The following CHST9 variants were observed in gnomAD, a reference collection of about 807,000 sequenced individuals.
CHST9 encodes carbohydrate sulfotransferase 9, also known as GalNAc-4-sulfotransferase 2.
In CHST9, 41 loss-of-function variants were observed where a neutral mutation model predicts 44.4. The ratio of observed to expected loss-of-function variants is 0.92; its 90% CI spans 0.72 to 1.20. The LOEUF (loss-of-function observed/expected upper bound fraction) is 1.20, where lower values mean the gene tolerates loss of function less well. CHST9 is among the 50% of genes most tolerant of loss of function. The pLI, the probability that CHST9 is intolerant of heterozygous loss-of-function variation, is 0.00. For missense variants in CHST9, 504 were observed against 516.5 expected, an observed-to-expected ratio of 0.98 and a Z score of 0.23; for synonymous variants, 171 against 178.4, an observed-to-expected ratio of 0.96 and a Z score of 0.33.
chr18:27,064,648 G>A (rs763428172), intron 2 of CHST9, among the ~76,000 whole-genome samples: 1 of 152,194 alleles, frequency 6.6e-6, no homozygotes, highest in Non-Finnish European at 1.5e-5. Flanking sequence ...TGAAAGAAAT[G>A]TGGAGTATAC....
chr18:27,020,936 A>G (rs756126312), intron 4 of CHST9, among the ~76,000 whole-genome samples: 13 of 152,176 alleles, frequency 8.5e-5, no homozygotes, highest in Non-Finnish European at 1.5e-4. Flanking sequence ...GAGGAAGTGC[A>G]ATCTTGCCTG....
intron 4 of CHST9, among the ~76,000 whole-genome samples, chr18:26,978,421 T>A (rs868069962): frequency 2.6e-5 from 4 of 152,196 alleles, no homozygotes; most frequent in African/African-American, 9.6e-5. Context: ...GTATTAATAA[T>A]CTTTTCATTT....
intron 4 of CHST9, among the ~76,000 whole-genome samples, chr18:26,954,255 A>G (rs763820942): frequency 2.6e-5 from 4 of 152,172 alleles, no homozygotes; most frequent in Non-Finnish European, 5.9e-5. Flanking sequence ...GAAATAGCTC[A>G]AGGGGCCAAT....
intron 2 of CHST9, among the ~76,000 whole-genome samples, chr18:27,053,218 GGAA>G (rs1198842599): frequency 0.016 from 527 of 32,348 alleles, 21 homozygotes; most frequent in African/African-American, 0.038. Flanking sequence ...AGGAGGAAGA[GGAA>G]GAAGAAGAAG....
At chr18:26,938,596 A>G (rs2056035109) in intron 5 of CHST9, among the ~76,000 whole-genome samples, 1 of 152,232 alleles carries the variant, frequency 6.6e-6, no homozygotes, top group Admixed American at 6.5e-5. Flanking sequence ...GAAGTTCTAA[A>G]GTTCACACTA....
intron 1 of CHST9, among the ~76,000 whole-genome samples, chr18:27,184,869 C>A (rs1051897698): frequency 2.0e-5 from 3 of 152,198 alleles, no homozygotes; most frequent in Non-Finnish European, 4.4e-5. Context: ...CCAGCGCCCC[C>A]TCAAAGTCAG....
At chr18:27,139,351 G>A (rs1055774057) in intron 2 of CHST9, among the ~76,000 whole-genome samples, 4 of 151,992 alleles carry the variant, frequency 2.6e-5, no homozygotes, top group Admixed American at 1.3e-4. Context: ...TTCTTTGAGT[G>A]ACAGTTCTAA....
chr18:27,100,815 A>C (rs1359408975), intron 2 of CHST9, among the ~76,000 whole-genome samples: 5 of 152,224 alleles, frequency 3.3e-5, no homozygotes, highest in Non-Finnish European at 7.3e-5. Context: ...TTAGATTTTT[A>C]AATAATTTCA....
chr18:27,032,808 G>A (rs2057354693), intron 3 of CHST9, among the ~76,000 whole-genome samples: 1 of 152,206 alleles, frequency 6.6e-6, no homozygotes, highest in Non-Finnish European at 1.5e-5. Flanking sequence ...CATATAAGGT[G>A]AGAAAGGTGA....
rs554564933 is a variant in CHST9 at position 26,956,700 on chromosome 18, C to T, written c.203-12334G>A. Among the ~76,000 whole-genome samples, 5 of 152,014 alleles carry T rather than the reference C, an allele frequency of 3.3e-5. No homozygotes were observed. The South Asian group carries it at 8.3e-4, about 25-fold the overall frequency. On this transcript the variant is annotated intron_variant, in intron 4 of 5. Coordinates refer to ENST00000618847, the MANE Select transcript of CHST9 (RefSeq NM_031422.6). Reference sequence around the variant, plus strand: ...TTTATTCAAATCATACTTGAAAAGGCGGAATGAAATTTAGGGGGATATGTT... The same window carrying T: ...TTTATTCAAATCATACTTGAAAAGGTGGAATGAAATTTAGGGGGATATGTT...
In CHST9 at chr18:26,916,652, A is replaced by G. The variant is rs2055530080; in HGVS notation, c.939T>C (p.Tyr313=). The change falls in exon 6 of 6, where the codon TAT becomes TAC. Residue 313 remains tyrosine (Y), a synonymous_variant. Transcript: ENST00000618847. ...ATGCTTCTTCACAGGCATTTGGTCG[A>G]TATTTCTTGATAATTGCCTTTCCGA... ...PVFGKAIIKK[Y]RPNACEEALI... The G allele has an allele frequency of 6.2e-7, 1 of 1,613,754 alleles. No individual in the cohort carries two copies. The highest frequency in any genetic ancestry group is 1.3e-5 in the African/African-American group (1 of 74,908).
intron 2 of CHST9, among the ~76,000 whole-genome samples, chr18:27,079,576 A>G (rs1208513215): frequency 6.6e-6 from 1 of 152,234 alleles, no homozygotes; most frequent in South Asian, 2.1e-4. Context: ...TAGACGAAAA[A>G]GTTTAAAAAT....
chr18:27,014,367 T>G (rs991315060), intron 4 of CHST9, among the ~76,000 whole-genome samples: 40 of 141,912 alleles, frequency 2.8e-4, no homozygotes, highest in Non-Finnish European at 5.0e-4. Flanking sequence ...GGCAGGAGAA[T>G]GGCGTGAACC....
chr18:27,050,912 T>G (rs1373536141), intron 2 of CHST9, among the ~76,000 whole-genome samples: 2 of 152,214 alleles, frequency 1.3e-5, no homozygotes, highest in African/African-American at 4.8e-5. Context: ...TAACCTATAT[T>G]AGAATAAGTC....
chr18:27,032,807 T>C (rs917696759), intron 3 of CHST9, among the ~76,000 whole-genome samples: 5 of 152,084 alleles, frequency 3.3e-5, no homozygotes, highest in Non-Finnish European at 7.4e-5. Flanking sequence ...ACATATAAGG[T>C]GAGAAAGGTG....
At chr18:26,946,318 G>T (rs984114077) in intron 4 of CHST9, among the ~76,000 whole-genome samples, 3 of 152,136 alleles carry the variant, frequency 2.0e-5, no homozygotes, top group Non-Finnish European at 2.9e-5. Context: ...CCAAGAAGAG[G>T]GGGGAGAACT....
intron 5 of CHST9, among the ~76,000 whole-genome samples, chr18:26,942,009 T>C (rs2056090124): frequency 6.6e-6 from 1 of 151,866 alleles, no homozygotes; most frequent in Non-Finnish European, 1.5e-5. Context: ...ACACAATCCA[T>C]AGTGCCTAAT....
intron 3 of CHST9, among the ~76,000 whole-genome samples, chr18:27,038,425 A>T (rs553531111): frequency 6.6e-6 from 1 of 152,246 alleles, no homozygotes; most frequent in East Asian, 1.9e-4. Flanking sequence ...ATGCGCCTGT[A>T]ATCCCAGCTG....
chr18:27,154,460 G>A (rs2058682928), intron 1 of CHST9, among the ~76,000 whole-genome samples: 1 of 152,054 alleles, frequency 6.6e-6, no homozygotes, highest in Non-Finnish European at 1.5e-5. Context: ...AGAATGAATA[G>A]ATTTGTGCTG....
Sources: gnomAD v4.1 joint callset for allele counts (sites outside exome capture counted in the v4.1 genomes callset) on GRCh38, gnomAD v4.1.1 for gene constraint, MANE v1.5 for transcripts, NCBI Gene and HGNC (gene_info 2026-07-23, HGNC 2026-07-21) for gene names.